ZNF215: variants seen among roughly 807,000 people sequenced by gnomAD.
ZNF215 encodes zinc finger protein 215, also known as BWSCR2-associated zinc finger protein 2.
Under a neutral mutation model 27.2 loss-of-function variants are expected in ZNF215, and 24 were observed. The observed-to-expected ratio is 0.88, with a 90% CI of 0.64 to 1.24. The LOEUF is 1.24. Ranked by LOEUF, ZNF215 falls within the 50% of genes most tolerant of loss-of-function variation. The probability of loss-of-function intolerance (pLI) is 0.00; values close to 1 mark genes in which losing one functional copy is unlikely to be tolerated. For missense variants in ZNF215, 675 were observed against 605.7 expected (o/e 1.11, Z -1.20); for synonymous variants, 210 against 204.0 (o/e 1.03, Z -0.25).
intron 3 of ZNF215, 81 bp downstream of exon 3, chr11:6,932,753 G>A (rs974141402): frequency 1.5e-6 from 2 of 1,350,734 alleles, no homozygotes; most frequent in East Asian, 2.4e-5. Flanking sequence ...AGGCCAGAGA[G>A]TATCAAGTGC....
chr11:6,988,293 C>A, downstream of ZNF215: 1 of 974,722 alleles, frequency 1.0e-6, no homozygotes, highest in Non-Finnish European at 1.2e-6. Flanking sequence ...CTCAGCCTGA[C>A]CAAAGAAATC....
At chr11:6,953,243 G>T (rs189677438) in intron 6 of ZNF215, among the ~76,000 whole-genome samples, 1 of 152,120 alleles carries the variant, frequency 6.6e-6, no homozygotes, top group African/African-American at 2.4e-5. Context: ...GAGTATGTTT[G>T]TGGCATTCTC....
At chr11:6,944,454 T>C (rs1849746754) in intron 6 of ZNF215, among the ~76,000 whole-genome samples, 1 of 151,632 alleles carries the variant, frequency 6.6e-6, no homozygotes, top group African/African-American at 2.4e-5. Context: ...GAGTTCTCAC[T>C]GTGTTGCCCA....
chr11:6,983,433 A>T (rs955253026), intron 5 of ZNF215, among the ~76,000 whole-genome samples: 9 of 152,198 alleles, frequency 5.9e-5, no homozygotes, highest in Non-Finnish European at 1.3e-4. Flanking sequence ...CTTGATACCA[A>T]AGCCTGGCAG....
At chr11:6,982,902 A>G (rs1850987428) in intron 5 of ZNF215, among the ~76,000 whole-genome samples, 1 of 151,750 alleles carries the variant, frequency 6.6e-6, no homozygotes, top group African/African-American at 2.4e-5. Context: ...AGAAATAACT[A>G]AAATCAGAGC....
chr11:6,962,230 T>C (rs1055665790), downstream of ZNF215, among the ~76,000 whole-genome samples: 5 of 152,116 alleles, frequency 3.3e-5, no homozygotes, highest in Admixed American at 1.3e-4. Flanking sequence ...CTAGGAGTCA[T>C]GTAAAGAGGG....
chr11:6,984,354 C>T (rs906979922), exon 6 of ZNF215: 1 of 184,776 alleles, frequency 5.4e-6, no homozygotes, highest in Non-Finnish European at 1.1e-5. Context: ...AGTGATCCGC[C>T]CACCTCAGCC....
At chr11:6,978,099 T>C (rs572505291) in intron 5 of ZNF215, among the ~76,000 whole-genome samples, 1 of 152,182 alleles carries the variant, frequency 6.6e-6, no homozygotes, top group Non-Finnish European at 1.5e-5. Context: ...TCAAAAGTAA[T>C]GTTATCTCCC....
At chr11:6,927,854 A>G (rs1849112483) in intron 2 of ZNF215, 47 bp downstream of exon 2, 1 of 152,070 alleles carries the variant, frequency 6.6e-6, no homozygotes, top group Non-Finnish European at 1.5e-5. Context: ...ACCTCCCAGT[A>G]TATTTGTTGC....
intron 5 of ZNF215, among the ~76,000 whole-genome samples, chr11:6,974,402 T>C (rs1452705753): frequency 1.3e-5 from 2 of 152,192 alleles, no homozygotes; most frequent in African/African-American, 4.8e-5. Flanking sequence ...CCATATGAAC[T>C]TTAAAGTAGT....
intron 5 of ZNF215, among the ~76,000 whole-genome samples, chr11:6,975,472 A>AT (rs922508343): frequency 5.4e-4 from 80 of 148,184 alleles, no homozygotes; most frequent in Middle Eastern, 7.0e-3. Flanking sequence ...ATATTATTCT[A>AT]TTTTTTTTTT....
At chr11:6,953,968 C>G (rs1850203827) in intron 6 of ZNF215, among the ~76,000 whole-genome samples, 2 of 152,180 alleles carry the variant, frequency 1.3e-5, no homozygotes, top group African/African-American at 4.8e-5. Context: ...GGACCCTCAG[C>G]TGCAGGTCTG....
chr11:6,969,626 T>C (rs915793133), intron 5 of ZNF215, among the ~76,000 whole-genome samples: 5 of 152,102 alleles, frequency 3.3e-5, no homozygotes, highest in African/African-American at 7.2e-5. Flanking sequence ...CCCAACTATA[T>C]ATTGGTAGCA....
At position 6,956,528 on chromosome 11, in the gene ZNF215, C is replaced by A; in HGVS notation, c.1551C>A (p.Ser517=). The A allele has an allele frequency of 1.3e-6, 2 of 1,558,868 alleles. No individual in the cohort carries two copies. The highest frequency in any genetic ancestry group is 2.4e-5 in the South Asian group (2 of 82,332). Residue 517 remains serine (S), a synonymous_variant, in exon 7 of 7, where the codon TCC becomes TCA. Coordinates refer to ENST00000278319, the MANE Select transcript of ZNF215 (RefSeq NM_013250.4). ...KHQKLHTRDK[S] ...AAAAACTGCATACTCGAGATAAGTC[C>A]TGAAAAAAGAAAAAATGAAAGATTA... is the stretch of plus-strand genomic sequence containing the variant.
Position 6,932,396 on chromosome 11 carries a change from C to G in ZNF215, c.124C>G (p.His42Asp). The G allele has an allele frequency of 1.9e-6, 3 of 1,614,152 alleles. No individual in the cohort carries two copies. Among genetic ancestry groups the G allele is most frequent in the Non-Finnish European group, 2.5e-6 (3 of 1,180,036 alleles). Residue 42 changes from histidine (H) to aspartate (D), a missense_variant, in exon 3 of 7, where the codon CAT becomes GAT. By Grantham distance (81) the His-to-Asp change is moderately conservative. Coordinates refer to ENST00000278319, the MANE Select transcript of ZNF215 (RefSeq NM_013250.4). ...QQETNPVVET[H>D]DSEASRQKFR... is the part of the protein sequence containing the mutation. The stretch of plus-strand genomic sequence containing the variant: ...GGAAACCAACCCCGTCGTGGAGACA[C>G]ATGACTCTGAGGCATCTCGTCAAAA...
rs1051951321 is a variant in ZNF215, at chr11:6,957,533, G to A, written c.*1002G>A. ...CTGTTTTTATTAATCCGTCTTAAAT[G>A]TGTATATAGCTCAGATTTATTTTAA... On this transcript the variant is annotated 3_prime_UTR_variant, in exon 7 of 7. Transcript: ENST00000278319. 3 of 159,440 alleles carry A rather than the reference G, an allele frequency of 1.9e-5. No homozygotes were observed. Among genetic ancestry groups the A allele is most frequent in the African/African-American group, 7.2e-5 (3 of 41,572 alleles). 9.9% of individuals were successfully genotyped at this position (159,440 alleles called of 1,614,324 possible).
intron 4 of ZNF215, 94 bp downstream of exon 4, chr11:6,941,747 G>T: frequency 7.7e-7 from 1 of 1,300,894 alleles, no homozygotes; most frequent in Non-Finnish European, 1.1e-6. Flanking sequence ...TGCCAAACAT[G>T]GTTCCATCCA....
At chr11:6,990,219 T>C (rs1851101815), downstream of ZNF215, among the ~76,000 whole-genome samples, 1 of 152,158 alleles carries the variant, frequency 6.6e-6, no homozygotes, top group Non-Finnish European at 1.5e-5. Context: ...AGCAAGCCCA[T>C]GGATTTCTTC....
Position 6,977,163 on chromosome 11 carries a change from T to C in ZNF215, c.806-6966T>C, listed in dbSNP as rs190025297. On this transcript the variant is annotated intron_variant, in intron 5 of 5. Transcript: ENST00000529903. ...CTGCACAGTAGTCCCCCCTTTTCCA[T>C]GGTTTCACTTTCTGTGTGGCCAACC... 3.3e-5 allele frequency among the ~76,000 whole-genome samples: 5 copies of C among 152,184 alleles called. No homozygotes were observed. The East Asian group carries it at 9.6e-4, about 29-fold the overall frequency.
Sources: gnomAD v4.1 joint callset for allele counts (sites outside exome capture counted in the v4.1 genomes callset) on GRCh38, gnomAD v4.1.1 for gene constraint, MANE v1.5 for transcripts, NCBI Gene and HGNC (gene_info 2026-07-23, HGNC 2026-07-21) for gene names.